Variants in CPS1 observed in about 807,000 individuals in gnomAD.
CPS1 encodes carbamoyl-phosphate synthase [ammonia], mitochondrial.
Under a neutral mutation model 174.6 loss-of-function variants are expected in CPS1, and 109 were observed. The observed-to-expected ratio is 0.62, with a 90% CI of 0.53 to 0.73. CPS1 has a LOEUF of 0.73. Among genes scored for constraint, CPS1 ranks in the 30% least tolerant of loss-of-function variants. The probability of loss-of-function intolerance (pLI) is 0.00; values close to 1 mark genes in which losing one functional copy is unlikely to be tolerated. For synonymous variants in CPS1, 637 were observed against 632.0 expected (o/e 1.01, Z -0.12); for missense variants, 1,689 against 1,821.9 (o/e 0.93, Z 1.33).
intron 21 of CPS1, among the ~76,000 whole-genome samples, chr2:210,633,276 G>C (rs774032855): frequency 6.6e-6 from 1 of 150,906 alleles, no homozygotes; most frequent in Admixed American, 6.6e-5. Flanking sequence ...TTTTTTTTTC[G>C]TCACCAGAGC....
At position 210,511,946 on chromosome 2, in the gene CPS1, A is replaced by C. The variant is rs572746245; in HGVS notation, c.3+34180A>C. On this transcript the variant is annotated intron_variant, in intron 1 of 38. Transcript: ENST00000430249. ...GAATTTCTCTTAAGTCTTATTCTAC[A>C]TGAGTCATTGAACCCCAAATTGAGC... Among the ~76,000 whole-genome samples the C allele has an allele frequency of 1.1e-4, 16 of 152,216 alleles. No homozygotes were observed. The South Asian group carries it at 3.1e-3, about 30-fold the overall frequency.
At chr2:210,547,054 G>T (rs12475210) in intron 1 of CPS1, among the ~76,000 whole-genome samples, 65,807 of 151,870 alleles carry the variant, frequency 0.43, 14,551 homozygotes, top group Middle Eastern at 0.53. Flanking sequence ...TGGACTTTCA[G>T]TGTTGAAGAG....
In CPS1 at chr2:210,660,572, G is replaced by C; in HGVS notation, c.3844G>C (p.Val1282Leu). The part of the protein sequence containing the change: ...GVDFIDVATK[V>L]MIGENVDEKH... ...TGACTTCATTGATGTGGCCACCAAGGTGATGATTGGAGAGAATGTTGATGA... is the reference window on the plus strand; with the variant it reads ...TGACTTCATTGATGTGGCCACCAAGCTGATGATTGGAGAGAATGTTGATGA... Residue 1282 changes from valine to leucine, a missense_variant, in exon 32 of 38, where the codon GTG (valine) becomes CTG (leucine). Val to Leu is a conservative substitution (Grantham distance 32, BLOSUM62 1). Coordinates refer to ENST00000233072, the MANE Select transcript of CPS1 (RefSeq NM_001875.5). 1 of 1,614,124 alleles carries C rather than the reference G, an allele frequency of 6.2e-7. No homozygotes were observed. Among genetic ancestry groups the C allele is most frequent in the African/African-American group, 1.3e-5 (1 of 75,044 alleles).
chr2:210,566,856 A>G (rs1287139963), intron 1 of CPS1, among the ~76,000 whole-genome samples: 1 of 152,100 alleles, frequency 6.6e-6, no homozygotes, highest in Non-Finnish European at 1.5e-5. Context: ...GTCATAGGGA[A>G]TTGATCAGAA....
At chr2:210,556,882 CT>C in intron 1 of CPS1, 23 bp downstream of exon 1, 1 of 1,611,710 alleles carries the variant, frequency 6.2e-7, no homozygotes, top group Non-Finnish European at 8.5e-7. Context: ...TTGATTGTTT[CT>C]GATAAAATAC....
intron 29 of CPS1, among the ~76,000 whole-genome samples, chr2:210,654,417 A>G (rs889642171): frequency 1.3e-5 from 2 of 152,042 alleles, no homozygotes; most frequent in Non-Finnish European, 2.9e-5. Context: ...TTATGTTTCA[A>G]TGGCTATTAT....
At chr2:210,498,978 A>C (rs1404654449) in intron 1 of CPS1, among the ~76,000 whole-genome samples, 1 of 152,170 alleles carries the variant, frequency 6.6e-6, no homozygotes, top group African/African-American at 2.4e-5. Flanking sequence ...CTGTTGATTC[A>C]GGTGAGTGGA....
intron 1 of CPS1, among the ~76,000 whole-genome samples, chr2:210,494,640 T>C (rs932172173): frequency 5.3e-5 from 8 of 151,078 alleles, no homozygotes; most frequent in Admixed American, 2.7e-4. Flanking sequence ...CAAAAAATAG[T>C]AAAAAAAATA....
intron 4 of CPS1, 31 bp downstream of exon 4, chr2:210,577,541 C>T (rs1697754776): frequency 1.3e-6 from 2 of 1,524,820 alleles, no homozygotes; most frequent in African/African-American, 1.4e-5. Flanking sequence ...TCCATCATCA[C>T]CTAAGGAAGG....
At chr2:210,563,991 G>C (rs1278480148) in intron 1 of CPS1, among the ~76,000 whole-genome samples, 3 of 152,230 alleles carry the variant, frequency 2.0e-5, no homozygotes, top group Admixed American at 6.5e-5. Context: ...TAAAATTGCA[G>C]TCACTTATTT....
intron 33 of CPS1, 86 bp from the exon 34 acceptor site, chr2:210,668,100 G>T (rs1384747950): frequency 1.3e-6 from 1 of 777,490 alleles, no homozygotes. Context: ...GTGTGTGTGT[G>T]TGTGTATTTT....
At chr2:210,663,250 T>C (rs558615870) in intron 33 of CPS1, 53 bp downstream of exon 33, 2 of 1,517,692 alleles carry the variant, frequency 1.3e-6, no homozygotes, top group Non-Finnish European at 9.2e-7. Context: ...TTGAAATCTA[T>C]GGTTTTATGA....
Position 210,663,151 on chromosome 2 carries a change from G to A in CPS1, c.3956G>A (p.Arg1319Lys), listed in dbSNP as rs1357146058. 6 of 1,613,600 alleles carry A rather than the reference G, an allele frequency of 3.7e-6. No homozygotes were observed. The highest frequency in any genetic ancestry group is 2.7e-5 in the African/African-American group (2 of 74,774). The stretch of plus-strand genomic sequence containing the variant: ...CCCATGTTTTCCTGGCCCCGGTTGA[G>A]GGATGCTGACCCCATTCTGAGATGT... ...KAPMFSWPRLRDADPILRCEM... is the reference protein window; with the variant it reads ...KAPMFSWPRLKDADPILRCEM... Residue 1319 changes from arginine to lysine, a missense_variant, in exon 33 of 38, where the codon AGG becomes AAG. Transcript: ENST00000233072.
At chr2:210,666,791 G>T (rs1240123648) in intron 33 of CPS1, among the ~76,000 whole-genome samples, 1 of 152,140 alleles carries the variant, frequency 6.6e-6, no homozygotes, top group African/African-American at 2.4e-5. Context: ...TTTGACTTAG[G>T]ATTGACTTGG....
At chr2:210,483,178 G>C (rs1385756513) in intron 1 of CPS1, among the ~76,000 whole-genome samples, 1 of 151,638 alleles carries the variant, frequency 6.6e-6, no homozygotes, top group Non-Finnish European at 1.5e-5. Context: ...TAACGCTGAG[G>C]GTACCAGGAG....
intron 5 of CPS1, 64 bp downstream of exon 5, chr2:210,579,834 G>GTGTGT: frequency 1.6e-5 from 21 of 1,326,136 alleles, no homozygotes; most frequent in African/African-American, 5.8e-5. Context: ...GTGTGTGTGT[G>GTGTGT]GTGTTTCCCT....
chr2:210,601,264 G>T (rs1310393527), intron 15 of CPS1, among the ~76,000 whole-genome samples: 1 of 151,838 alleles, frequency 6.6e-6, no homozygotes. Flanking sequence ...CCAGGAAAAA[G>T]AATCAACTCA....
At chr2:210,666,235 C>T (rs1701092856) in intron 33 of CPS1, among the ~76,000 whole-genome samples, 1 of 150,030 alleles carries the variant, frequency 6.7e-6, no homozygotes, top group African/African-American at 2.4e-5. Context: ...AGCCCTTTGT[C>T]AGATGAGTAG....
At chr2:210,677,283 T>G in intron 37 of CPS1, 147 bp downstream of exon 37, 9 of 856,558 alleles carry the variant, frequency 1.1e-5, no homozygotes, top group Non-Finnish European at 1.7e-5. Flanking sequence ...AAAATAATGA[T>G]GCTAACATGG....
Sources: gnomAD v4.1 joint callset for allele counts (sites outside exome capture counted in the v4.1 genomes callset) on GRCh38, gnomAD v4.1.1 for gene constraint, MANE v1.5 for transcripts, NCBI Gene and HGNC (gene_info 2026-07-23, HGNC 2026-07-21) for gene names.